HACD3: variants seen among roughly 807,000 people sequenced by gnomAD.
HACD3 encodes the protein very-long-chain (3R)-3-hydroxyacyl-CoA dehydratase 3.
Under a neutral mutation model 55.2 loss-of-function variants are expected in HACD3, and 30 were observed. The ratio of observed to expected loss-of-function variants is 0.54; its 90% CI spans 0.41 to 0.74. The LOEUF is 0.74. HACD3 is among the 30% of genes least tolerant of loss of function. The probability of loss-of-function intolerance (pLI) is 0.00; values close to 1 mark genes in which losing one functional copy is unlikely to be tolerated. For missense variants in HACD3, 363 were observed against 440.1 expected (o/e 0.82, Z 1.57); for synonymous variants, 141 against 151.7 (o/e 0.93, Z 0.52).
At chr15:65,561,800 A>G (rs946212656) in intron 5 of HACD3, among the ~76,000 whole-genome samples, 1 of 151,812 alleles carries the variant, frequency 6.6e-6, no homozygotes, top group East Asian at 1.9e-4. Context: ...CCCAAGACAC[A>G]CCCCTGCCCC....
intron 8 of HACD3, among the ~76,000 whole-genome samples, chr15:65,570,799 ACTT>A (rs1225195984): frequency 6.6e-6 from 1 of 152,158 alleles, no homozygotes; most frequent in Non-Finnish European, 1.5e-5. Context: ...TTGCAAATGA[ACTT>A]CTCAGCTCCA....
At chr15:65,558,641 C>G in intron 4 of HACD3, 39 bp from the exon 5 acceptor site, 1 of 1,558,290 alleles carries the variant, frequency 6.4e-7, no homozygotes, top group Non-Finnish European at 8.7e-7. Context: ...TCTGGGAATT[C>G]TAACTTGTGT....
At chr15:65,566,372 C>G (rs1262387525) in intron 7 of HACD3, 1 of 153,274 alleles carries the variant, frequency 6.5e-6, no homozygotes, top group Non-Finnish European at 1.5e-5. Context: ...TACCTGAAAC[C>G]AGGCCGTTTA....
intron 1 of HACD3, among the ~76,000 whole-genome samples, chr15:65,537,017 G>T (rs1343604087): frequency 6.6e-6 from 1 of 152,184 alleles, no homozygotes; most frequent in Non-Finnish European, 1.5e-5. Context: ...CTGATATGAA[G>T]AAAGTTTGAG....
intron 5 of HACD3, among the ~76,000 whole-genome samples, chr15:65,562,021 A>G (rs1377437157): frequency 6.6e-6 from 1 of 152,182 alleles, no homozygotes; most frequent in East Asian, 1.9e-4. Flanking sequence ...CGGAGCTTCC[A>G]TGCCCTCCCC....
rs568099186 is a variant in HACD3 at position 65,577,132 on chromosome 15, A to G, written c.*753A>G. 3.3e-5 allele frequency: 5 copies of G among 152,362 alleles called. No homozygotes were observed. Among genetic ancestry groups the G allele is most frequent in the African/African-American group, 1.2e-4 (5 of 41,586 alleles). The allele number at this position is 152,362 out of a possible 1,614,324, so 9.4% of individuals were successfully genotyped here. On this transcript the variant is annotated 3_prime_UTR_variant, in exon 11 of 11. Transcript: ENST00000261875. ...TTATTTAGAAAACAATGAGATTACA[A>G]GTTCCAAACTCAGCCAGGAATGTGG...
chr15:65,563,691 CTG>C (rs1307152271), intron 6 of HACD3, among the ~76,000 whole-genome samples: 2 of 152,254 alleles, frequency 1.3e-5, no homozygotes, highest in East Asian at 3.9e-4. Context: ...AGAAAGGTGG[CTG>C]TGCGTGGTGG....
chr15:65,532,660 T>TA (rs1457281785), intron 1 of HACD3, among the ~76,000 whole-genome samples: 1 of 151,338 alleles, frequency 6.6e-6, no homozygotes, highest in East Asian at 1.9e-4. Flanking sequence ...AGTAACCATC[T>TA]AAAAATTTTT....
intron 4 of HACD3, 73 bp from the exon 5 acceptor site, chr15:65,558,607 C>G (rs1221418423): frequency 7.1e-7 from 1 of 1,417,774 alleles, no homozygotes; most frequent in East Asian, 2.5e-5. Flanking sequence ...GATTACTCAG[C>G]CAGCATATGG....
intron 2 of HACD3, 156 bp downstream of exon 2, chr15:65,551,874 T>C: frequency 1.3e-6 from 1 of 755,376 alleles, no homozygotes; most frequent in East Asian, 2.8e-5. Flanking sequence ...TTGAAATATA[T>C]GATTAGAAAA....
chr15:65,545,158 G>A (rs1326732068), intron 1 of HACD3, among the ~76,000 whole-genome samples: 3 of 152,150 alleles, frequency 2.0e-5, no homozygotes, highest in Non-Finnish European at 4.4e-5. Flanking sequence ...ACATTATTAG[G>A]TAACTTGCTA....
In HACD3 at chr15:65,551,845, T is replaced by C. The variant is rs933088998; in HGVS notation, c.130+127T>C. 13 of 983,838 alleles carry C rather than the reference T, an allele frequency of 1.3e-5. No individual in the cohort carries two copies. In the African/African-American group the frequency reaches 2.1e-4, roughly 16 times the overall value. 60.9% of individuals were successfully genotyped at this position (983,838 alleles called of 1,614,324 possible). On this transcript the variant is annotated intron_variant, in intron 2 of 10. Transcript: ENST00000261875. ...CTGATGTTCACGCCTCTGATCCTCATGAGGTAAGCTAAATTGTTTTGAAAT... is the reference window on the plus strand; with the variant it reads ...CTGATGTTCACGCCTCTGATCCTCACGAGGTAAGCTAAATTGTTTTGAAAT...
rs981974883 is a variant in HACD3, at chr15:65,555,422, G to A, written c.204+462G>A. ...AAATCAGAAAGGGTGAAGGCAGCTG[G>A]CCTTCAGAAAGAATGCTGCAGATAT... is the stretch of plus-strand genomic sequence containing the variant. On this transcript the variant is annotated intron_variant, in intron 3 of 10. Transcript: ENST00000261875. 8.5e-5 allele frequency among the ~76,000 whole-genome samples: 13 copies of A among 152,160 alleles called. 1 individual carries two copies. The highest frequency in any genetic ancestry group is 2.9e-4 in the African/African-American group (12 of 41,438).
chr15:65,552,048 A>G (rs979186168), intron 2 of HACD3: 10 of 207,054 alleles, frequency 4.8e-5, no homozygotes, highest in African/African-American at 7.0e-5. Context: ...GACCTGTACA[A>G]TGAAGATGCT....
intron 1 of HACD3, among the ~76,000 whole-genome samples, chr15:65,547,586 G>A (rs905454510): frequency 1.3e-5 from 2 of 152,232 alleles, no homozygotes; most frequent in African/African-American, 2.4e-5. Flanking sequence ...GAGGAAAGCC[G>A]AGTTTCTAGA....
In HACD3 at chr15:65,556,619, C is replaced by T. The variant is rs140501019; in HGVS notation, c.205-120C>T. 2,285 of 1,090,008 alleles carry T rather than the reference C, an allele frequency of 2.1e-3. 7 individuals carry two copies. Among genetic ancestry groups the T allele is most frequent in the Non-Finnish European group, 2.1e-3 (1,620 of 785,462 alleles). The allele number at this position is 1,090,008 out of a possible 1,614,324, so 67.5% of individuals were successfully genotyped here. On this transcript the variant is annotated intron_variant, in intron 3 of 10. Transcript: ENST00000261875. The stretch of plus-strand genomic sequence containing the variant: ...GATGTTCCCTTTGCATCAGGACTTG[C>T]AGGACCAGAGAAAGAAGGAGAATAA...
intron 1 of HACD3, among the ~76,000 whole-genome samples, chr15:65,541,695 A>T (rs1275875940): frequency 6.6e-6 from 1 of 152,190 alleles, no homozygotes; most frequent in Non-Finnish European, 1.5e-5. Flanking sequence ...GTTTAATTTT[A>T]CCATGGTCTC....
At chr15:65,547,061 C>T (rs1163988855) in intron 1 of HACD3, among the ~76,000 whole-genome samples, 1 of 152,062 alleles carries the variant, frequency 6.6e-6, no homozygotes. Flanking sequence ...ACGAAAAATG[C>T]AATGACTTAT....
chr15:65,530,637 G>C lies in HACD3; in HGVS notation c.6G>C (p.Glu2Asp). ...GCGCCCTGGGCAGTGTGGCCATGGAGAATCAGGTGTTGACGCCGCATGTCT... is the reference window on the plus strand; with the variant it reads ...GCGCCCTGGGCAGTGTGGCCATGGACAATCAGGTGTTGACGCCGCATGTCT... M[E>D]NQVLTPHVYW... The change falls in exon 1 of 11, where the codon GAG (glutamate) becomes GAC (aspartate). Residue 2 changes from glutamate to aspartate, a missense_variant. Physicochemically the swap from Glu to Asp is conservative, Grantham distance 45. Coordinates refer to ENST00000261875, the MANE Select transcript of HACD3 (RefSeq NM_016395.4). The C allele has an allele frequency of 1.3e-6, 2 of 1,577,790 alleles. No individual in the cohort carries two copies. Among genetic ancestry groups the C allele is most frequent in the Non-Finnish European group, 1.7e-6 (2 of 1,162,870 alleles).
Sources: allele counts gnomAD v4.1 joint callset (sites outside exome capture counted in the v4.1 genomes callset), GRCh38; gene constraint gnomAD v4.1.1; transcripts MANE v1.5; gene names NCBI Gene and HGNC (gene_info 2026-07-23, HGNC 2026-07-21).